The following ITGB2 variants were observed in gnomAD, a reference collection of about 807,000 sequenced individuals.
ITGB2 encodes the protein integrin beta-2.
In ITGB2, 56 loss-of-function variants were observed where a neutral mutation model predicts 86.8. The observed-to-expected ratio is 0.65, with a 90% CI of 0.52 to 0.81. The LOEUF is 0.81. ITGB2 is among the 30% of genes least tolerant of loss of function. The probability of loss-of-function intolerance (pLI) is 0.00; values close to 1 mark genes in which losing one functional copy is unlikely to be tolerated. For synonymous variants in ITGB2, 457 were observed against 450.4 expected (o/e 1.01, Z -0.19); for missense variants, 948 against 1,061.2 (o/e 0.89, Z 1.48).
chr21:44,918,508 C>T (rs913396479), intron 1 of ITGB2, among the ~76,000 whole-genome samples: 22 of 152,330 alleles, frequency 1.4e-4, no homozygotes, highest in Middle Eastern at 3.4e-3. Flanking sequence ...CCAGACCACC[C>T]CTCCTGTTTC....
At chr21:44,924,111 T>C (rs117849453), upstream of ITGB2, among the ~76,000 whole-genome samples, 705 of 151,958 alleles carry the variant, frequency 4.6e-3, 4 homozygotes, top group South Asian at 0.018. Flanking sequence ...AAACAGCAAA[T>C]ATCTCTAACA....
At chr21:44,889,672 C>T (rs550518838) in intron 12 of ITGB2, among the ~76,000 whole-genome samples, 177 bp from the exon 13 acceptor site, 5 of 152,326 alleles carry the variant, frequency 3.3e-5, no homozygotes, top group Admixed American at 1.3e-4. Flanking sequence ...GCCACGTGGC[C>T]GCCTCCTGGC....
intron 1 of ITGB2, among the ~76,000 whole-genome samples, chr21:44,927,158 C>T (rs999798851): frequency 1.3e-5 from 2 of 152,206 alleles, no homozygotes; most frequent in African/African-American, 4.8e-5. Context: ...CTCTCTGTGA[C>T]AGGTGGGATT....
chr21:44,903,482 C>T lies in ITGB2; in HGVS notation c.382G>A (p.Asp128Asn), dbSNP rs137852615. 3.1e-6 allele frequency: 5 copies of T among 1,613,996 alleles called. No individual in the cohort carries two copies. The highest frequency in any genetic ancestry group is 4.2e-6 in the Non-Finnish European group (5 of 1,179,946). ...TFRRAKGYPI[D>N]LYYLMDLSYS... ...GAGAGGTCCATCAGATAGTACAGGT[C>T]GATGGGGTAGCCCTTGGCCCGCCGG... The change falls in exon 5 of 16, where the codon GAC becomes AAC. Residue 128 changes from aspartate (D) to asparagine (N), a missense_variant. Coordinates refer to ENST00000652462, the MANE Select transcript of ITGB2 (RefSeq NM_000211.5).
intron 13 of ITGB2, 72 bp from the exon 14 acceptor site, chr21:44,888,967 G>T: frequency 2.1e-6 from 3 of 1,453,020 alleles, no homozygotes; most frequent in Non-Finnish European, 2.8e-6. Flanking sequence ...TCGGGCTTGG[G>T]TGTGTGTCCA....
rs142112499 is a variant in ITGB2 at position 44,888,840 on chromosome 21, C to T, written c.1933G>A (p.Ala645Thr). The T allele has an allele frequency of 3.7e-5, 59 of 1,610,238 alleles. No individual in the cohort carries two copies. The highest frequency in any genetic ancestry group is 2.9e-4 in the East Asian group (13 of 44,878). ...EKGPFGKNCS[A>T]ACPGLQLSNN... is the part of the protein sequence containing the mutation. ...GACAGCTGCAGGCCCGGACACGCCG[C>T]GCTGCAGTTCTTCCCAAAGGGGCCC... The change falls in exon 14 of 16, where the codon GCG becomes ACG. Residue 645 changes from alanine to threonine, a missense_variant. Transcript: ENST00000652462.
At position 44,889,372 on chromosome 21, in the gene ITGB2, C is replaced by T. The variant is rs780189305; in HGVS notation, c.1781G>A (p.Gly594Asp). ...CTCGCATACGTTGCAGCGGCACCGGCCACGACCACTACACTCAACACGCCG... is the reference window on the plus strand; with the variant it reads ...CTCGCATACGTTGCAGCGGCACCGGTCACGACCACTACACTCAACACGCCG... ...NPRRVECSGR[G>D]RCRCNVCECH... Residue 594 changes from glycine (G) to aspartate (D), a missense_variant, in exon 13 of 16, where the codon GGC becomes GAC. By Grantham distance (94) the Gly-to-Asp change is moderately conservative. Coordinates refer to ENST00000652462, the MANE Select transcript of ITGB2 (RefSeq NM_000211.5). 6.2e-7 allele frequency: 1 copy of T among 1,612,914 alleles called. No individual in the cohort carries two copies. Among genetic ancestry groups the T allele is most frequent in the Non-Finnish European group, 8.5e-7 (1 of 1,179,898 alleles).
Position 44,903,519 on chromosome 21 carries a change from G to C in ITGB2, c.345C>G (p.Phe115Leu). Residue 115 changes from phenylalanine to leucine, a missense_variant, in exon 5 of 16, where the codon TTC becomes TTG. Transcript: ENST00000652462. ...CCTTGGCCCGCCGGAAGGTCACGTTGAACGCTGCTGCCTGGCCTGCCGGTG... is the reference window on the plus strand; with the variant it reads ...CCTTGGCCCGCCGGAAGGTCACGTTCAACGCTGCTGCCTGGCCTGCCGGTG... Reference protein sequence around the residue: ...LYLRPGQAAAFNVTFRRAKGY... With the variant: ...LYLRPGQAAALNVTFRRAKGY... The C allele has an allele frequency of 1.2e-6, 2 of 1,614,054 alleles. No individual in the cohort carries two copies. Among genetic ancestry groups the C allele is most frequent in the Non-Finnish European group, 1.7e-6 (2 of 1,179,966 alleles).
In ITGB2 at chr21:44,890,172, C is replaced by A. The variant is rs556160781; in HGVS notation, c.1463G>T (p.Arg488Leu). ...GKNCECQTQG[R>L]SSQELEGSCR... ...GCTTCCTTCCAGCTCCTGGCTGCTC[C>A]GGCCCTGTGTCTGGCACTCACAGTT... is the stretch of plus-strand genomic sequence containing the variant. The change falls in exon 12 of 16, where the codon CGG (arginine) becomes CTG (leucine). Residue 488 changes from arginine to leucine, a missense_variant. Arg to Leu is a moderately radical substitution (Grantham distance 102). Coordinates refer to ENST00000652462, the MANE Select transcript of ITGB2 (RefSeq NM_000211.5). 10 of 1,613,154 alleles carry A rather than the reference C, an allele frequency of 6.2e-6. No homozygotes were observed. In the East Asian group the frequency reaches 2.0e-4, roughly 32 times the overall value.
At chr21:44,898,921 C>T in intron 8 of ITGB2, 146 bp downstream of exon 8, 1 of 731,422 alleles carries the variant, frequency 1.4e-6, no homozygotes, top group South Asian at 1.5e-5. Context: ...GGGCTCCTCA[C>T]CTAGGGGGAT....
intron 1 of ITGB2, among the ~76,000 whole-genome samples, chr21:44,927,334 T>C (rs1446887712): frequency 6.6e-6 from 1 of 152,032 alleles, no homozygotes; most frequent in Non-Finnish European, 1.5e-5. Context: ...GTCAGGTCAG[T>C]GAGGTTCATA....
chr21:44,891,532 C>A (rs1454880387), intron 11 of ITGB2, among the ~76,000 whole-genome samples: 1 of 152,218 alleles, frequency 6.6e-6, no homozygotes, highest in East Asian at 1.9e-4. Context: ...GTCCTCCTGC[C>A]CACAAGTCCC....
In ITGB2 at chr21:44,890,151, C is replaced by G; in HGVS notation, c.1484G>C (p.Gly495Ala). ...TQGRSSQELE[G>A]SCRKDNNSII... ...GGAGTTGTTGTCCTTCCGGCAGCTT[C>G]CTTCCAGCTCCTGGCTGCTCCGGCC... is the stretch of plus-strand genomic sequence containing the variant. Residue 495 changes from glycine to alanine, a missense_variant, in exon 12 of 16, where the codon GGA becomes GCA. Transcript: ENST00000652462. The G allele has an allele frequency of 1.9e-6, 3 of 1,613,422 alleles. No homozygotes were observed. In the South Asian group the frequency reaches 3.3e-5, roughly 18 times the overall value.
chr21:44,909,961 A>G (rs2084103956), intron 3 of ITGB2, among the ~76,000 whole-genome samples: 1 of 152,230 alleles, frequency 6.6e-6, no homozygotes, highest in South Asian at 2.1e-4. Context: ...GTGTTTCTGC[A>G]CTTGCTTACG....
chr21:44,886,401 C>A lies in ITGB2; in HGVS notation c.2277G>T (p.Thr759=). Residue 759 remains threonine (T), a synonymous_variant, in exon 16 of 16, where the codon ACG becomes ACT. Transcript: ENST00000652462. ...NDNPLFKSAT[T]TVMNPKFAES ...CAGCAAACTTGGGGTTCATGACCGTCGTGGTGGCGCTCTTGAAAAGGGGAT... is the reference window on the plus strand; with the variant it reads ...CAGCAAACTTGGGGTTCATGACCGTAGTGGTGGCGCTCTTGAAAAGGGGAT... 6.2e-7 allele frequency: 1 copy of A among 1,614,118 alleles called. No individual in the cohort carries two copies. The highest frequency in any genetic ancestry group is 8.5e-7 in the Non-Finnish European group (1 of 1,179,998).
Position 44,900,472 on chromosome 21 carries a change from C to T in ITGB2, c.745G>A (p.Glu249Lys), listed in dbSNP as rs1038898860. The T allele has an allele frequency of 6.2e-7, 1 of 1,613,960 alleles. No homozygotes were observed. The highest frequency in any genetic ancestry group is 8.5e-7 in the Non-Finnish European group (1 of 1,179,956). The change falls in exon 7 of 16, where the codon GAA becomes AAA. Residue 249 changes from glutamate (E) to lysine (K), a missense_variant. By Grantham distance (56) the Glu-to-Lys change is moderately conservative. Transcript: ENST00000652462. Reference sequence around the variant, plus strand: ...CGCGTGACGTTGCGCCAGCCGATTTCCTCCTGAGAAGAAGGCGTGGGGGGC... The same window carrying T: ...CGCGTGACGTTGCGCCAGCCGATTTTCTCCTGAGAAGAAGGCGTGGGGGGC... ...AMMQVAACPEEIGWRNVTRLL... is the reference protein window; with the variant it reads ...AMMQVAACPEKIGWRNVTRLL...
intron 1 of ITGB2, chr21:44,911,141 C>T (rs922342083): frequency 7.2e-6 from 3 of 415,116 alleles, no homozygotes; most frequent in Admixed American, 3.7e-5. Context: ...TGCATGTACA[C>T]ACCACGTGCA....
upstream of ITGB2, chr21:44,923,104 A>G (rs2146573516): frequency 6.6e-6 from 1 of 152,358 alleles, no homozygotes; most frequent in East Asian, 1.9e-4. Flanking sequence ...AACAAATGTT[A>G]CTATTGAGCC....
At chr21:44,891,748 G>T in intron 11 of ITGB2, 61 bp downstream of exon 11, 1 of 1,574,526 alleles carries the variant, frequency 6.4e-7, no homozygotes, top group South Asian at 1.1e-5. Context: ...CTCACCTGCC[G>T]ACACCTGCCC....
Sources: allele counts gnomAD v4.1 joint callset (sites outside exome capture counted in the v4.1 genomes callset), GRCh38; gene constraint gnomAD v4.1.1; transcripts MANE v1.5; gene names NCBI Gene and HGNC (gene_info 2026-07-23, HGNC 2026-07-21).